The following RBFOX2 variants were observed in gnomAD, a reference collection of about 807,000 sequenced individuals.
The protein encoded by RBFOX2 is RNA binding protein fox-1 homolog 2.
In RBFOX2, 10 loss-of-function variants were observed where a neutral mutation model predicts 49.1. That is an observed-to-expected ratio of 0.20 (90% CI 0.13 to 0.35). The LOEUF (loss-of-function observed/expected upper bound fraction) is 0.35, where lower values mean the gene tolerates loss of function less well. Among genes scored for constraint, RBFOX2 ranks in the 10% least tolerant of loss-of-function variants. RBFOX2 has a pLI of 1.00. For synonymous variants in RBFOX2, 183 were observed against 187.4 expected (o/e 0.98, Z 0.19); for missense variants, 323 against 486.9 (o/e 0.66, Z 3.17).
At chr22:35,880,056 C>T (rs1055534282) in intron 1 of RBFOX2, among the ~76,000 whole-genome samples, 3 of 151,906 alleles carry the variant, frequency 2.0e-5, no homozygotes, top group East Asian at 3.9e-4. Flanking sequence ...CTCAGGTAGC[C>T]GACTCACAAG....
In RBFOX2 at chr22:35,999,379, T is replaced by C. The variant is rs1395527808; in HGVS notation, c.186+28861A>G. On this transcript the variant is annotated intron_variant, in intron 1 of 13. Transcript: ENST00000438146. ...GGGTAACATGGCAAGTCCCTGTCTCTACAAAAAAAAAAAAAAAAAAAAATT... is the reference window on the plus strand; with the variant it reads ...GGGTAACATGGCAAGTCCCTGTCTCCACAAAAAAAAAAAAAAAAAAAAATT... 9 of 72,782 alleles carry C rather than the reference T, an allele frequency of 1.2e-4. No homozygotes were observed. In the East Asian group the frequency reaches 2.8e-3, roughly 23 times the overall value. 4.5% of individuals were successfully genotyped at this position (72,782 alleles called of 1,614,324 possible).
intron 1 of RBFOX2, among the ~76,000 whole-genome samples, chr22:35,910,554 G>A (rs1457841192): frequency 1.3e-5 from 2 of 152,150 alleles, no homozygotes; most frequent in Non-Finnish European, 2.9e-5. Context: ...TTGCCCAGAA[G>A]GAATACCAAT....
intron 1 of RBFOX2, chr22:35,995,917 G>C (rs2058170450): frequency 1.3e-5 from 2 of 152,386 alleles, no homozygotes; most frequent in African/African-American, 2.4e-5. Context: ...TGAGGAGCTA[G>C]ATTCAGACGA....
At chr22:35,881,489 G>A (rs957499362) in intron 1 of RBFOX2, among the ~76,000 whole-genome samples, 11 of 151,844 alleles carry the variant, frequency 7.2e-5, no homozygotes, top group African/African-American at 2.7e-4. Flanking sequence ...GGCTAAGGAA[G>A]GAGGATAGCT....
chr22:35,829,958 G>C (rs1956481542), intron 1 of RBFOX2, among the ~76,000 whole-genome samples: 2 of 152,112 alleles, frequency 1.3e-5, no homozygotes, highest in Non-Finnish European at 2.9e-5. Context: ...TACAATACAA[G>C]AGTTTCCTGT....
intron 1 of RBFOX2, among the ~76,000 whole-genome samples, chr22:35,911,628 T>C (rs1031894772): frequency 3.9e-5 from 6 of 152,218 alleles, no homozygotes; most frequent in Admixed American, 2.6e-4. Context: ...GTTGTTATTA[T>C]TGGTGTTGTT....
At chr22:35,879,328 G>A (rs992121671) in intron 1 of RBFOX2, among the ~76,000 whole-genome samples, 11 of 152,218 alleles carry the variant, frequency 7.2e-5, no homozygotes, top group East Asian at 1.9e-4. Flanking sequence ...ACCGTAAATC[G>A]TGTTCCAGAA....
chr22:35,874,031 G>C (rs565389604), intron 1 of RBFOX2, among the ~76,000 whole-genome samples: 7 of 152,252 alleles, frequency 4.6e-5, no homozygotes, highest in South Asian at 2.1e-4. Context: ...GATAGCACAA[G>C]GTCTTTCTTT....
chr22:35,921,938 C>T (rs1002493130), intron 1 of RBFOX2, among the ~76,000 whole-genome samples: 6 of 152,140 alleles, frequency 3.9e-5, no homozygotes, highest in African/African-American at 1.4e-4. Flanking sequence ...TCCTTCCCTC[C>T]CTTTTCTCCT....
intron 1 of RBFOX2, among the ~76,000 whole-genome samples, chr22:36,027,219 C>A (rs928305193): frequency 7.2e-5 from 11 of 152,164 alleles, no homozygotes. Flanking sequence ...TCCAAGTCTT[C>A]CCAGGTTAAG....
chr22:35,837,443 A>G (rs2148793084), intron 1 of RBFOX2, among the ~76,000 whole-genome samples: 1 of 152,214 alleles, frequency 6.6e-6, no homozygotes, highest in Non-Finnish European at 1.5e-5. Flanking sequence ...GAGAAAGCTT[A>G]TGTGACAGGT....
chr22:35,791,385 CAA>C (rs5845238), intron 2 of RBFOX2, among the ~76,000 whole-genome samples: 14 of 129,948 alleles, frequency 1.1e-4, no homozygotes, highest in Non-Finnish European at 1.1e-4. Context: ...AACTCTGTCT[CAA>C]AAAAAAAAAA....
chr22:35,948,843 C>T (rs2054600820), intron 1 of RBFOX2, among the ~76,000 whole-genome samples: 1 of 152,006 alleles, frequency 6.6e-6, no homozygotes, highest in Non-Finnish European at 1.5e-5. Flanking sequence ...ACCATTTTAG[C>T]CATTTTTCAG....
chr22:35,852,486 T>TAAAA (rs576605291), intron 1 of RBFOX2, among the ~76,000 whole-genome samples: 2 of 128,980 alleles, frequency 1.6e-5, no homozygotes, highest in African/African-American at 2.9e-5. Flanking sequence ...CCTTTCTTTT[T>TAAAA]AAAAAAAAAA....
chr22:36,023,395 T>C (rs1292962454), intron 1 of RBFOX2, among the ~76,000 whole-genome samples: 1 of 152,114 alleles, frequency 6.6e-6, no homozygotes, highest in South Asian at 2.1e-4. Flanking sequence ...ATAATAATTA[T>C]ACCATATCAA....
chr22:35,961,504 C>T, intron 1 of RBFOX2: 1 of 1,301,228 alleles, frequency 7.7e-7, no homozygotes, highest in Non-Finnish European at 1.0e-6. Context: ...ACTGAAGCCA[C>T]AATTCCCCTG....
Position 36,019,977 on chromosome 22 carries a change from C to T in RBFOX2, c.186+8263G>A, listed in dbSNP as rs1052863820. Among the ~76,000 whole-genome samples, 13 of 152,106 alleles carry T rather than the reference C, an allele frequency of 8.5e-5. No homozygotes were observed. The South Asian group carries it at 1.0e-3, about 12-fold the overall frequency. On this transcript the variant is annotated intron_variant, in intron 1 of 13. Transcript: ENST00000438146. Reference sequence around the variant, plus strand: ...CAAAAGAACAAAGCTGGGGGCATCACGCTACCTGACTTCAAATTATACTAC... The same window carrying T: ...CAAAAGAACAAAGCTGGGGGCATCATGCTACCTGACTTCAAATTATACTAC...
chr22:36,028,788 T>C (rs2059547901), exon 1 of RBFOX2, among the ~76,000 whole-genome samples: 1 of 151,658 alleles, frequency 6.6e-6, no homozygotes, highest in South Asian at 2.1e-4. Flanking sequence ...ACACTCTCCC[T>C]CACAGCACGC....
rs769323011 is a variant in RBFOX2 at position 35,833,804 on chromosome 22, T to C, written c.27+6388A>G. Among the ~76,000 whole-genome samples, 11 of 152,296 alleles carry C rather than the reference T, an allele frequency of 7.2e-5. No individual in the cohort carries two copies. In the Middle Eastern group the frequency reaches 0.01, roughly 141 times the overall value. ...CATTAATAGTACTGCTGAGTAAGTA[T>C]ATAAGGCTGCTGAGTGGAATAAATG... On this transcript the variant is annotated intron_variant, in intron 1 of 11. Transcript: ENST00000405409.
Sources: allele counts gnomAD v4.1 joint callset (sites outside exome capture counted in the v4.1 genomes callset), GRCh38; gene constraint gnomAD v4.1.1; transcripts MANE v1.5; gene names NCBI Gene and HGNC (gene_info 2026-07-23, HGNC 2026-07-21).